SLC44A5: variants seen among roughly 807,000 people sequenced by gnomAD.
SLC44A5 encodes choline transporter-like protein 5.
A neutral mutation model predicts 101.8 loss-of-function variants in SLC44A5; 57 were observed. The ratio of observed to expected loss-of-function variants is 0.56; its 90% confidence interval spans 0.45 to 0.70. The LOEUF (loss-of-function observed/expected upper bound fraction) is 0.70. SLC44A5 is among the 30% of genes least tolerant of loss of function. The probability of loss-of-function intolerance (pLI) is 0.00; values close to 1 mark genes in which losing one functional copy is unlikely to be tolerated. For missense variants in SLC44A5, 737 were observed against 853.1 expected (o/e 0.86, Z 1.70); for synonymous variants, 281 against 290.9 (o/e 0.97, Z 0.35).
the SLC44A5 span, chr1:75,641,347 A>T: frequency 1.4e-6 from 1 of 733,182 alleles, no homozygotes; most frequent in Non-Finnish European, 2.4e-6. Flanking sequence ...GGAATCTCTT[A>T]ACATTAGTAT....
chr1:75,691,350 A>G, the SLC44A5 span, among the ~76,000 whole-genome samples: 3 of 152,182 alleles, frequency 2.0e-5, no homozygotes, highest in Admixed American at 1.3e-4. Context: ...GGCTGGTAAT[A>G]TAAATTCTGG....
chr1:75,562,127 A>T (rs902352016), intron 1 of SLC44A5, among the ~76,000 whole-genome samples: 4 of 152,130 alleles, frequency 2.6e-5, no homozygotes, highest in African/African-American at 9.7e-5. Context: ...AAATTTAAAA[A>T]ATTAAAAGAA....
At chr1:75,271,880 A>G (rs1261820962) in intron 6 of SLC44A5, among the ~76,000 whole-genome samples, 3 of 152,108 alleles carry the variant, frequency 2.0e-5, no homozygotes, top group Non-Finnish European at 4.4e-5. Flanking sequence ...TAGTTCTTTA[A>G]GGAAACCCCA....
At chr1:75,242,261 C>T (rs1461372968) in intron 8 of SLC44A5, among the ~76,000 whole-genome samples, 200 bp from the exon 9 acceptor site, 2 of 151,996 alleles carry the variant, frequency 1.3e-5, no homozygotes, top group Non-Finnish European at 2.9e-5. Context: ...GTAATTCAAT[C>T]GGACCAACAA....
At chr1:75,251,431 C>T (rs1203028078) in intron 6 of SLC44A5, 137 bp from the exon 7 acceptor site, 2 of 617,290 alleles carry the variant, frequency 3.2e-6, no homozygotes, top group Non-Finnish European at 5.6e-6. Context: ...TTCTCCCTCT[C>T]CCTTAGGTAC....
chr1:75,214,613 A>T lies in SLC44A5; in HGVS notation c.1794T>A (p.Asn598Lys). ...GCAGCCTGATTACTTACTTCAAAAC[A>T]TTTCTCATCAGCAGATTGAAAGCAT... Reference protein sequence around the residue: ...AKDAFNLLMRNVLKVAVTDEV... With the variant: ...AKDAFNLLMRKVLKVAVTDEV... Residue 598 changes from asparagine to lysine, a missense_variant, in exon 20 of 24, where the codon AAT becomes AAA. By Grantham distance (94) the Asn-to-Lys change is moderately conservative. Transcript: ENST00000370859. 1 of 1,611,556 alleles carries T rather than the reference A, an allele frequency of 6.2e-7. No individual in the cohort carries two copies. The highest frequency in any genetic ancestry group is 8.5e-7 in the Non-Finnish European group (1 of 1,178,664).
intron 1 of SLC44A5, among the ~76,000 whole-genome samples, chr1:75,544,888 A>C (rs1200878723): frequency 6.6e-6 from 1 of 152,002 alleles, no homozygotes; most frequent in Non-Finnish European, 1.5e-5. Flanking sequence ...TTTATACCTT[A>C]AGTTCTGGGG....
intron 5 of SLC44A5, among the ~76,000 whole-genome samples, chr1:75,280,346 A>G (rs192155686): frequency 3.9e-5 from 4 of 102,648 alleles, no homozygotes; most frequent in Non-Finnish European, 7.0e-5. Flanking sequence ...TATATATAAT[A>G]TATATATTGT....
intron 6 of SLC44A5, among the ~76,000 whole-genome samples, chr1:75,263,369 CAT>C (rs2100699245): frequency 6.6e-6 from 1 of 152,134 alleles, no homozygotes; most frequent in South Asian, 2.1e-4. Flanking sequence ...AGCCAACAAA[CAT>C]ATGAAAAAAA....
At chr1:75,594,394 A>G (rs992331511) in intron 1 of SLC44A5, among the ~76,000 whole-genome samples, 1 of 151,994 alleles carries the variant, frequency 6.6e-6, no homozygotes, top group Admixed American at 6.6e-5. Flanking sequence ...AGTGTCTCCA[A>G]ATGAAATGTT....
chr1:75,526,890 T>G (rs998042726), intron 2 of SLC44A5, among the ~76,000 whole-genome samples: 1 of 151,864 alleles, frequency 6.6e-6, no homozygotes. Context: ...ATCCCAGCAT[T>G]TGGGAGGCTG....
At chr1:75,432,662 T>C (rs1304957707) in intron 2 of SLC44A5, among the ~76,000 whole-genome samples, 1 of 152,156 alleles carries the variant, frequency 6.6e-6, no homozygotes. Flanking sequence ...TATACCCAGC[T>C]TCATTTTGTA....
intron 3 of SLC44A5, among the ~76,000 whole-genome samples, chr1:75,346,302 T>C (rs879669198): frequency 1.6e-4 from 25 of 152,166 alleles, no homozygotes; most frequent in Non-Finnish European, 3.7e-4. Context: ...TTAAGAAACA[T>C]TTTCCAAATC....
At chr1:75,681,541 T>G in the SLC44A5 span, among the ~76,000 whole-genome samples, 5 of 151,492 alleles carry the variant, frequency 3.3e-5, no homozygotes, top group Admixed American at 6.6e-5. Context: ...GAAAAGGCCT[T>G]TGACAAAATT....
At chr1:75,368,949 C>T (rs887205286) in intron 3 of SLC44A5, among the ~76,000 whole-genome samples, 2 of 152,008 alleles carry the variant, frequency 1.3e-5, no homozygotes, top group Non-Finnish European at 2.9e-5. Flanking sequence ...ATACATCTCT[C>T]TTATTTTTCT....
chr1:75,404,499 C>T (rs1662719352), intron 2 of SLC44A5, among the ~76,000 whole-genome samples: 1 of 152,220 alleles, frequency 6.6e-6, no homozygotes, highest in Non-Finnish European at 1.5e-5. Context: ...CAGTGGATCT[C>T]TCTGCAGAAA....
intron 2 of SLC44A5, among the ~76,000 whole-genome samples, chr1:75,472,580 C>G (rs1667170901): frequency 6.6e-6 from 1 of 152,144 alleles, no homozygotes; most frequent in South Asian, 2.1e-4. Flanking sequence ...CAGGGTGCCT[C>G]AAGACCATGT....
chr1:75,664,875 T>C, the SLC44A5 span, among the ~76,000 whole-genome samples: 1 of 147,818 alleles, frequency 6.8e-6, no homozygotes, highest in African/African-American at 2.5e-5. Flanking sequence ...GAGCAGAGAT[T>C]GCACCACTGC....
At chr1:75,695,013 A>G in the SLC44A5 span, among the ~76,000 whole-genome samples, 32 of 152,320 alleles carry the variant, frequency 2.1e-4, no homozygotes, top group African/African-American at 7.5e-4. Context: ...ATTGTTAACC[A>G]GTTTCTAGAA....
Sources: gnomAD v4.1 joint callset for allele counts (sites outside exome capture counted in the v4.1 genomes callset) on GRCh38, gnomAD v4.1.1 for gene constraint, MANE v1.5 for transcripts, NCBI Gene and HGNC (gene_info 2026-07-23, HGNC 2026-07-21) for gene names.